UBR2: variants seen among roughly 807,000 people sequenced by gnomAD.
UBR2 encodes E3 ubiquitin-protein ligase UBR2.
In UBR2, 92 loss-of-function variants were observed where a neutral mutation model predicts 247.9. The ratio of observed to expected loss-of-function variants is 0.37; its 90% CI spans 0.31 to 0.44. The LOEUF (loss-of-function observed/expected upper bound fraction) is 0.44, where lower values mean the gene tolerates loss of function less well. UBR2 is among the 20% of genes least tolerant of loss of function. The pLI is 1.00. For synonymous variants in UBR2, 672 were observed against 693.5 expected, an observed-to-expected ratio of 0.97 and a Z score of 0.49; for missense variants, 1,613 against 2,112.6, an observed-to-expected ratio of 0.76 and a Z score of 4.64.
chr6:42,632,069 A>AAAAAAAT (rs56721828), intron 11 of UBR2, among the ~76,000 whole-genome samples: 4 of 114,088 alleles, frequency 3.5e-5, no homozygotes, highest in African/African-American at 1.4e-4. Context: ...AAAAAAAAAA[A>AAAAAAAT]ATATATATAT....
intron 7 of UBR2, among the ~76,000 whole-genome samples, chr6:42,610,653 AG>A (rs1794007553): frequency 6.6e-6 from 1 of 152,174 alleles, no homozygotes; most frequent in Non-Finnish European, 1.5e-5. Flanking sequence ...AGAAACAGAA[AG>A]AGACAGATGG....
At chr6:42,678,330 C>T (rs1048130405) in intron 40 of UBR2, among the ~76,000 whole-genome samples, 10 of 152,102 alleles carry the variant, frequency 6.6e-5, no homozygotes, top group Non-Finnish European at 1.2e-4. Flanking sequence ...AGCGAGACTC[C>T]GTCTCAAAAA....
chr6:42,586,530 TTG>T (rs946449943), intron 2 of UBR2, among the ~76,000 whole-genome samples: 1 of 142,016 alleles, frequency 7.0e-6, no homozygotes, highest in African/African-American at 2.7e-5. Flanking sequence ...TGTTTTCAGT[TTG>T]TCTCTCTTTT....
chr6:42,683,085 T>C lies in UBR2; in HGVS notation c.4749T>C (p.Tyr1583=), dbSNP rs1171871476. Residue 1583 remains tyrosine, a synonymous_variant, in exon 43 of 47, where the codon TAT becomes TAC. Coordinates refer to ENST00000372901, the MANE Select transcript of UBR2 (RefSeq NM_001363705.2). ...SWCRNSEVKR[Y]LEGERDAIRY... The stretch of plus-strand genomic sequence containing the variant: ...GCCGTAACAGTGAAGTTAAAAGATA[T>C]CTAGAAGGTGAAAGAGATGCTATAA... 3.1e-6 allele frequency: 5 copies of C among 1,612,768 alleles called. No individual in the cohort carries two copies. The highest frequency in any genetic ancestry group is 2.2e-5 in the East Asian group (1 of 44,728).
At chr6:42,622,106 C>T (rs1242176185) in intron 11 of UBR2, among the ~76,000 whole-genome samples, 2 of 152,104 alleles carry the variant, frequency 1.3e-5, no homozygotes, top group African/African-American at 4.8e-5. Flanking sequence ...ACCTCTGCCT[C>T]CCAGGTTCAA....
chr6:42,639,920 C>G (rs112509505), intron 15 of UBR2, among the ~76,000 whole-genome samples: 1 of 151,998 alleles, frequency 6.6e-6, no homozygotes, highest in East Asian at 1.9e-4. Flanking sequence ...CCCAGCTACT[C>G]GGGAGGCTGA....
chr6:42,625,823 T>C (rs879438079), intron 11 of UBR2, among the ~76,000 whole-genome samples: 1 of 151,786 alleles, frequency 6.6e-6, no homozygotes, highest in African/African-American at 2.4e-5. Flanking sequence ...CCCCCCTTTT[T>C]TTTTTTTTGA....
chr6:42,632,556 G>A lies in UBR2; in HGVS notation c.1286G>A (p.Arg429Gln), dbSNP rs747665207. Reference protein sequence around the residue: ...VQIFTVPSLARMLITEENLMS... With the variant: ...VQIFTVPSLAQMLITEENLMS... ...TCTGATAAACTTTGTTTTTAGGCTC[G>A]AATGCTCATCACAGAAGAAAACTTA... is the stretch of plus-strand genomic sequence containing the variant. Residue 429 changes from arginine to glutamine, a missense_variant, in exon 12 of 47, where the codon CGA becomes CAA. Transcript: ENST00000372901. 25 of 1,595,892 alleles carry A rather than the reference G, an allele frequency of 1.6e-5. No homozygotes were observed. Among genetic ancestry groups the A allele is most frequent in the African/African-American group, 4.1e-5 (3 of 73,862 alleles).
At chr6:42,597,791 C>T (rs1471968364) in intron 4 of UBR2, among the ~76,000 whole-genome samples, 1 of 151,954 alleles carries the variant, frequency 6.6e-6, no homozygotes. Context: ...TGGCACATGC[C>T]TGTAATCCCA....
Position 42,688,309 on chromosome 6 carries a change from T to C in UBR2, c.4947T>C (p.Thr1649=), listed in dbSNP as rs746441649. ...LLCSQSYCCQ[T]ELEGEDVGAC... ...GCTCCCAGAGTTACTGCTGCCAGAC[T>C]GAACTGGAAGGGGAGGATGTAGGAG... Residue 1649 remains threonine, a synonymous_variant, in exon 45 of 47, where the codon ACT becomes ACC. Coordinates refer to ENST00000372901, the MANE Select transcript of UBR2 (RefSeq NM_001363705.2). 1.8e-5 allele frequency: 29 copies of C among 1,614,122 alleles called. 1 individual carries two copies. In the South Asian group the frequency reaches 2.9e-4, roughly 16 times the overall value.
intron 1 of UBR2, 111 bp from the exon 2 acceptor site, chr6:42,573,623 A>T: frequency 8.0e-7 from 1 of 1,252,300 alleles, no homozygotes; most frequent in Non-Finnish European, 1.1e-6. Flanking sequence ...TAAACAAAAT[A>T]TTTTAATATG....
intron 7 of UBR2, among the ~76,000 whole-genome samples, chr6:42,609,964 AGC>A (rs985600682): frequency 3.0e-4 from 45 of 152,132 alleles, no homozygotes; most frequent in African/African-American, 9.4e-4. Context: ...CAGATACACA[AGC>A]AGTTAAGATA....
intron 22 of UBR2, among the ~76,000 whole-genome samples, chr6:42,649,291 G>A (rs1796971578): frequency 6.6e-6 from 1 of 152,224 alleles, no homozygotes; most frequent in African/African-American, 2.4e-5. Flanking sequence ...TTACTGGCAT[G>A]AGCTATGGTG....
At chr6:42,583,283 T>C (rs185074470) in intron 2 of UBR2, among the ~76,000 whole-genome samples, 2 of 152,364 alleles carry the variant, frequency 1.3e-5, no homozygotes, top group East Asian at 3.8e-4. Flanking sequence ...GTTTTGCTCC[T>C]GTTGCCCAGG....
Position 42,689,122 on chromosome 6 carries a change from G to GT in UBR2, c.5025-446dup, listed in dbSNP as rs973031250. Among the ~76,000 whole-genome samples the GT allele has an allele frequency of 6.6e-6, 1 of 152,218 alleles. No individual in the cohort carries two copies. Among genetic ancestry groups the GT allele is most frequent in the Non-Finnish European group, 1.5e-5 (1 of 68,044 alleles). ...GTCTGCTCAAGGCAAGGAGGCGCGTGTCACTGGAGTGTTGTGCACAGGTGA... is the reference window on the plus strand; with the variant it reads ...GTCTGCTCAAGGCAAGGAGGCGCGTGTTCACTGGAGTGTTGTGCACAGGTGA... On this transcript the variant is annotated intron_variant, in intron 45 of 46. Coordinates refer to ENST00000372901, the MANE Select transcript of UBR2 (RefSeq NM_001363705.2). This position sits in a 1 kb window ranked among gnomAD's most constrained non-coding sequence, Gnocchi z 4.0.
At chr6:42,589,064 T>G (rs1792487827) in intron 2 of UBR2, among the ~76,000 whole-genome samples, 1 of 152,156 alleles carries the variant, frequency 6.6e-6, no homozygotes, top group Non-Finnish European at 1.5e-5. Flanking sequence ...CACAGCAGTC[T>G]TAAACACCTG....
At chr6:42,622,446 C>T (rs1795051318) in intron 11 of UBR2, among the ~76,000 whole-genome samples, 1 of 149,948 alleles carries the variant, frequency 6.7e-6, no homozygotes. Context: ...CTGTTCCCCA[C>T]GCTGGAGTGC....
chr6:42,614,415 C>T (rs36195874), intron 8 of UBR2, among the ~76,000 whole-genome samples: 4,549 of 85,906 alleles, frequency 0.053, 258 homozygotes, highest in African/African-American at 0.063. Flanking sequence ...TATGTATGTA[C>T]GTACGTACAT....
intron 32 of UBR2, 80 bp downstream of exon 32, chr6:42,663,499 C>T: frequency 7.0e-7 from 1 of 1,433,372 alleles, no homozygotes; most frequent in Non-Finnish European, 9.3e-7. Flanking sequence ...AGGAGGAAAA[C>T]TTAGTCTAGG....
Sources: gnomAD v4.1 joint callset for allele counts (sites outside exome capture counted in the v4.1 genomes callset) on GRCh38, gnomAD v4.1.1 for gene constraint, Gnocchi (gnomAD v3.1) non-coding constraint, MANE v1.5 for transcripts, NCBI Gene and HGNC (gene_info 2026-07-23, HGNC 2026-07-21) for gene names.